Variants in CLVS1 observed in about 807,000 individuals in gnomAD.
CLVS1 encodes the protein clavesin 1, also known as clavesin-1.
CLVS1 carries 10 observed loss-of-function variants against 33.1 expected under a neutral mutation model. The observed-to-expected ratio is 0.30, with a 90% CI of 0.19 to 0.51. The LOEUF is 0.51. Ranked by LOEUF, CLVS1 falls within the 20% of genes least tolerant of loss-of-function variation. The pLI, the probability that CLVS1 is intolerant of heterozygous loss-of-function variation, is 0.97. For synonymous variants in CLVS1, 163 were observed against 166.1 expected (o/e 0.98, Z 0.14); for missense variants, 343 against 433.4 (o/e 0.79, Z 1.85).
intron 5 of CLVS1, among the ~76,000 whole-genome samples, chr8:61,484,448 A>G (rs1480891953): frequency 6.6e-6 from 1 of 152,234 alleles, no homozygotes; most frequent in African/African-American, 2.4e-5. Flanking sequence ...AAAAGAGGAT[A>G]CAAACAAATG....
rs145812233 is a variant in CLVS1 at position 61,331,789 on chromosome 8, G to GCTTCTT, written c.455+31519_455+31524dup. Among the ~76,000 whole-genome samples, 13 of 148,732 alleles carry GCTTCTT rather than the reference G, an allele frequency of 8.7e-5. 1 individual carries two copies. The highest frequency in any genetic ancestry group is 2.0e-4 in the East Asian group (1 of 5,042). On this transcript the variant is annotated intron_variant, in intron 2 of 5. Transcript: ENST00000325897. ...TTTCTACATTTTCTCATTTCCTCCA[G>GCTTCTT]CTTCTTCTTCTTCTTCTCCTCCTCC...
intron 3 of CLVS1, among the ~76,000 whole-genome samples, chr8:61,389,485 G>A (rs1281779626): frequency 6.6e-6 from 1 of 151,998 alleles, no homozygotes; most frequent in Non-Finnish European, 1.5e-5. Context: ...GGAGGTTGCA[G>A]TGAGCCAAGA....
At chr8:61,295,411 G>A (rs2919305) in intron 1 of CLVS1, among the ~76,000 whole-genome samples, 99,666 of 152,096 alleles carry the variant, frequency 0.66, 35,528 homozygotes, top group East Asian at 0.97. Context: ...AGTGAATGCT[G>A]GAAAAGGCAG....
chr8:61,446,218 C>T, intron 3 of CLVS1, among the ~76,000 whole-genome samples: 1 of 151,868 alleles, frequency 6.6e-6, no homozygotes, highest in Non-Finnish European at 1.5e-5. Flanking sequence ...TTGCTCTTCT[C>T]TTTCCAAGTT....
At position 61,406,771 on chromosome 8, in the gene CLVS1, C is replaced by A. The variant is rs192622216; in HGVS notation, c.630+29992C>A. ...TACAGGTGCACGCCACCTCTCCCGG[C>A]TAATTTTTTGTATTTTTAGTAGAGA... On this transcript the variant is annotated intron_variant, in intron 3 of 5. Transcript: ENST00000325897. Among the ~76,000 whole-genome samples the A allele has an allele frequency of 1.7e-3, 256 of 152,166 alleles. 1 individual carries two copies. The highest frequency in any genetic ancestry group is 5.9e-3 in the African/African-American group (243 of 41,508).
chr8:61,276,475 A>G (rs1483294758), intron 2 of CLVS1, among the ~76,000 whole-genome samples: 1 of 152,232 alleles, frequency 6.6e-6, no homozygotes, highest in African/African-American at 2.4e-5. Context: ...ACTTCTGGCA[A>G]CATTCTCTTG....
intron 2 of CLVS1, among the ~76,000 whole-genome samples, chr8:61,200,452 C>T (rs1383453470): frequency 6.6e-6 from 1 of 152,350 alleles, no homozygotes; most frequent in East Asian, 1.9e-4. Context: ...CTACACAATG[C>T]ATCGTTCCAT....
chr8:61,103,147 T>C (rs967935822), intron 1 of CLVS1, among the ~76,000 whole-genome samples: 1 of 152,214 alleles, frequency 6.6e-6, no homozygotes, highest in African/African-American at 2.4e-5. Context: ...CAGCAATACT[T>C]TTCTTTGCTA....
At chr8:60,989,671 C>A in the CLVS1 span, among the ~76,000 whole-genome samples, 239 of 152,188 alleles carry the variant, frequency 1.6e-3, 2 homozygotes, top group African/African-American at 5.3e-3. Flanking sequence ...CACAAAGCGG[C>A]TAAGAAAAAA....
At chr8:61,374,834 T>A (rs1813577645) in intron 2 of CLVS1, among the ~76,000 whole-genome samples, 1 of 152,190 alleles carries the variant, frequency 6.6e-6, no homozygotes, top group African/African-American at 2.4e-5. Context: ...TTGAGGGTTT[T>A]TTCTATATAG....
intron 2 of CLVS1, among the ~76,000 whole-genome samples, chr8:61,360,901 T>C (rs1812947142): frequency 6.6e-6 from 1 of 152,194 alleles, no homozygotes; most frequent in Non-Finnish European, 1.5e-5. Flanking sequence ...CTAGATAATT[T>C]ATTTAAAAAA....
At chr8:61,089,781 G>A (rs750750406) in intron 1 of CLVS1, among the ~76,000 whole-genome samples, 1 of 152,100 alleles carries the variant, frequency 6.6e-6, no homozygotes, top group East Asian at 1.9e-4. Context: ...GACTAGCTGG[G>A]CATGGGGCAT....
chr8:61,417,087 G>A (rs1158332868), intron 3 of CLVS1, among the ~76,000 whole-genome samples: 1 of 152,154 alleles, frequency 6.6e-6, no homozygotes, highest in Non-Finnish European at 1.5e-5. Flanking sequence ...AGGAGACAGA[G>A]AATGACAAAA....
the CLVS1 span, among the ~76,000 whole-genome samples, chr8:60,977,147 A>AAAAGTTC: frequency 6.6e-6 from 1 of 152,246 alleles, no homozygotes; most frequent in African/African-American, 2.4e-5. Context: ...ATTTGTTTAG[A>AAAAGTTC]AAAGTTCAAA....
At chr8:61,383,869 C>T (rs934182226) in intron 3 of CLVS1, among the ~76,000 whole-genome samples, 5 of 152,198 alleles carry the variant, frequency 3.3e-5, no homozygotes, top group Non-Finnish European at 7.3e-5. Context: ...CTGTTACTTC[C>T]AGCCAGTCAC....
chr8:61,436,636 G>T (rs1301565597), intron 3 of CLVS1, among the ~76,000 whole-genome samples: 1 of 152,076 alleles, frequency 6.6e-6, no homozygotes, highest in African/African-American at 2.4e-5. Flanking sequence ...ATCTGTCCTG[G>T]ATTCTTCTCA....
chr8:61,332,711 GC>G (rs1167017043), intron 2 of CLVS1, among the ~76,000 whole-genome samples: 10 of 152,020 alleles, frequency 6.6e-5, no homozygotes, highest in African/African-American at 7.3e-5. Context: ...TGCGATCTTG[GC>G]TCACTGCAAC....
intron 2 of CLVS1, among the ~76,000 whole-genome samples, chr8:61,277,530 C>G (rs1809583332): frequency 6.6e-6 from 1 of 152,144 alleles, no homozygotes; most frequent in African/African-American, 2.4e-5. Flanking sequence ...AGGGGAGGCT[C>G]TGTCTTTACT....
intron 1 of CLVS1, among the ~76,000 whole-genome samples, chr8:61,078,449 GA>G (rs935658447): frequency 6.6e-6 from 1 of 152,230 alleles, no homozygotes; most frequent in African/African-American, 2.4e-5. Flanking sequence ...GTCTTGGTCA[GA>G]AGTGTGGAAA....
Sources: gnomAD v4.1 joint callset for allele counts (sites outside exome capture counted in the v4.1 genomes callset) on GRCh38, gnomAD v4.1.1 for gene constraint, MANE v1.5 for transcripts, NCBI Gene and HGNC (gene_info 2026-07-23, HGNC 2026-07-21) for gene names.